The following FNBP1L variants were observed in gnomAD, a reference collection of about 807,000 sequenced individuals.
FNBP1L encodes formin-binding protein 1-like.
A neutral mutation model predicts 91.2 loss-of-function variants in FNBP1L; 36 were observed. The observed-to-expected ratio is 0.39, with a 90% CI of 0.30 to 0.52. FNBP1L has a LOEUF of 0.52. Ranked by LOEUF, FNBP1L falls within the 20% of genes least tolerant of loss-of-function variation. FNBP1L has a pLI of 0.66. For missense variants in FNBP1L, 571 were observed against 732.1 expected (o/e 0.78, Z 2.54); for synonymous variants, 242 against 237.0 (o/e 1.02, Z -0.19).
chr1:93,458,899 A>C (rs1324140593), intron 1 of FNBP1L, among the ~76,000 whole-genome samples: 1 of 152,242 alleles, frequency 6.6e-6, no homozygotes, highest in African/African-American at 2.4e-5. Context: ...TGGCAAGTAT[A>C]GAAGTATAGG....
At chr1:93,512,844 A>G (rs1345454724) in intron 2 of FNBP1L, among the ~76,000 whole-genome samples, 1 of 152,136 alleles carries the variant, frequency 6.6e-6, no homozygotes, top group Non-Finnish European at 1.5e-5. Flanking sequence ...TTGACACTCT[A>G]ACATCACAAT....
At chr1:93,454,980 G>A (rs1668610713) in intron 1 of FNBP1L, among the ~76,000 whole-genome samples, 1 of 152,104 alleles carries the variant, frequency 6.6e-6, no homozygotes, top group Non-Finnish European at 1.5e-5. Flanking sequence ...CCAGGCTGGA[G>A]TGCAGTGGTG....
chr1:93,449,180 T>G (rs1399051017), intron 1 of FNBP1L, among the ~76,000 whole-genome samples: 1 of 152,128 alleles, frequency 6.6e-6, no homozygotes, highest in African/African-American at 2.4e-5. Flanking sequence ...CAATGCCCAG[T>G]GTCTGGCCAA....
At chr1:93,455,862 T>C (rs1668641862) in intron 1 of FNBP1L, among the ~76,000 whole-genome samples, 1 of 152,230 alleles carries the variant, frequency 6.6e-6, no homozygotes, top group Admixed American at 6.5e-5. Context: ...GGCATTTTCC[T>C]TTTTTTCCCA....
intron 1 of FNBP1L, among the ~76,000 whole-genome samples, chr1:93,497,563 G>C (rs1401331932): frequency 2.0e-5 from 3 of 152,050 alleles, no homozygotes; most frequent in African/African-American, 7.2e-5. Context: ...GTTCAACTAG[G>C]AGTTTATAAA....
At chr1:93,462,835 C>T (rs1256444893) in intron 1 of FNBP1L, among the ~76,000 whole-genome samples, 3 of 151,838 alleles carry the variant, frequency 2.0e-5, no homozygotes, top group African/African-American at 7.3e-5. Context: ...CCTCCTTTTT[C>T]TATACTGTAC....
chr1:93,540,213 T>C (rs975372855), intron 10 of FNBP1L, among the ~76,000 whole-genome samples: 4 of 152,174 alleles, frequency 2.6e-5, no homozygotes, highest in African/African-American at 7.2e-5. Flanking sequence ...TATATACATA[T>C]ATAAAGTATT....
At chr1:93,482,673 G>T (rs1204265824) in intron 1 of FNBP1L, among the ~76,000 whole-genome samples, 2 of 151,986 alleles carry the variant, frequency 1.3e-5, no homozygotes, top group African/African-American at 4.8e-5. Context: ...CAGGCAGATT[G>T]CTTGAGCCCA....
At chr1:93,526,630 T>TACA (rs1671503202) in intron 5 of FNBP1L, among the ~76,000 whole-genome samples, 1 of 152,248 alleles carries the variant, frequency 6.6e-6, no homozygotes, top group South Asian at 2.1e-4. Flanking sequence ...GCCTCTGTAC[T>TACA]GGGCGGGGCA....
At chr1:93,525,578 C>A (rs1031491009) in intron 5 of FNBP1L, among the ~76,000 whole-genome samples, 10 of 152,128 alleles carry the variant, frequency 6.6e-5, no homozygotes, top group Non-Finnish European at 1.5e-5. Context: ...CACAAAATAA[C>A]ATACTCCTAC....
At chr1:93,454,960 G>A (rs926882652) in intron 1 of FNBP1L, among the ~76,000 whole-genome samples, 4 of 151,618 alleles carry the variant, frequency 2.6e-5, no homozygotes, top group South Asian at 2.1e-4. Context: ...ACGGAGTCTC[G>A]CTCTGTCGCC....
At position 93,533,508 on chromosome 1, in the gene FNBP1L, A is replaced by G. The variant is rs150416522; in HGVS notation, c.786+440A>G. ...GGGCATTATGTGCAGATGAAACAGC[A>G]TAGCCCTCCTCCCCTTGAGGATAGG... On this transcript the variant is annotated intron_variant, in intron 8 of 16. Coordinates refer to ENST00000271234, the MANE Select transcript of FNBP1L (RefSeq NM_001164473.3). 5.8e-3 allele frequency among the ~76,000 whole-genome samples: 891 copies of G among 152,348 alleles called. 5 individuals carry two copies. The highest frequency in any genetic ancestry group is 8.6e-3 in the Non-Finnish European group (588 of 68,026).
At chr1:93,516,309 T>G (rs1671111708) in intron 2 of FNBP1L, among the ~76,000 whole-genome samples, 1 of 152,190 alleles carries the variant, frequency 6.6e-6, no homozygotes, top group Non-Finnish European at 1.5e-5. Context: ...GGGGACCTCT[T>G]GATCTGCAGT....
chr1:93,537,314 A>C (rs1382181783), intron 10 of FNBP1L, among the ~76,000 whole-genome samples: 1 of 152,136 alleles, frequency 6.6e-6, no homozygotes, highest in Non-Finnish European at 1.5e-5. Flanking sequence ...TGTCGTAAGA[A>C]GCCTAACAAT....
At chr1:93,469,937 TG>T (rs1175966810) in intron 1 of FNBP1L, among the ~76,000 whole-genome samples, 5 of 152,156 alleles carry the variant, frequency 3.3e-5, no homozygotes, top group Non-Finnish European at 7.3e-5. Context: ...CACTGCAGTC[TG>T]GGCAACAGAG....
intron 2 of FNBP1L, among the ~76,000 whole-genome samples, chr1:93,518,161 C>G (rs1671196937): frequency 6.6e-6 from 1 of 152,112 alleles, no homozygotes; most frequent in African/African-American, 2.4e-5. Flanking sequence ...CTATATATCT[C>G]TACTGGGCAT....
intron 10 of FNBP1L, among the ~76,000 whole-genome samples, chr1:93,539,639 TCATATA>T (rs1671962331): frequency 6.6e-6 from 1 of 152,144 alleles, no homozygotes; most frequent in South Asian, 2.1e-4. Flanking sequence ...TAAGTCAAAT[TCATATA>T]CTTCAAATAT....
intron 2 of FNBP1L, among the ~76,000 whole-genome samples, chr1:93,512,495 A>T (rs1222442675): frequency 6.6e-6 from 1 of 152,098 alleles, no homozygotes; most frequent in Non-Finnish European, 1.5e-5. Context: ...CACCACACCT[A>T]TTCCAAAATT....
chr1:93,530,961 A>G (rs555120605), intron 7 of FNBP1L, 78 bp downstream of exon 7: 2 of 1,187,560 alleles, frequency 1.7e-6, no homozygotes, highest in Non-Finnish European at 2.3e-6. Flanking sequence ...CTTAGACATC[A>G]GAATCTTTCT....
Sources: gnomAD v4.1 joint callset for allele counts (sites outside exome capture counted in the v4.1 genomes callset) on GRCh38, gnomAD v4.1.1 for gene constraint, MANE v1.5 for transcripts, NCBI Gene and HGNC (gene_info 2026-07-23, HGNC 2026-07-21) for gene names.